Variants in BICDL1 observed in about 807,000 individuals in gnomAD.
BICDL1 encodes the protein BICD family-like cargo adapter 1.
BICDL1 carries 20 observed loss-of-function variants against 76.8 expected under a neutral mutation model. The observed-to-expected ratio is 0.26, with a 90% CI of 0.18 to 0.38. BICDL1 has a LOEUF of 0.38. Among genes scored for constraint, BICDL1 ranks in the 10% least tolerant of loss-of-function variants. The probability of loss-of-function intolerance (pLI) is 1.00; values close to 1 mark genes in which losing one functional copy is unlikely to be tolerated. For missense variants in BICDL1, 700 were observed against 798.6 expected, an observed-to-expected ratio of 0.88 and a Z score of 1.49; for synonymous variants, 383 against 337.1, an observed-to-expected ratio of 1.14 and a Z score of -1.49.
At chr12:120,073,339 G>A (rs1268078561) in intron 6 of BICDL1, among the ~76,000 whole-genome samples, 1 of 152,244 alleles carries the variant, frequency 6.6e-6, no homozygotes, top group African/African-American at 2.4e-5. Context: ...GCTTTCCTTG[G>A]AAACTTTGCA....
chr12:120,002,986 A>G (rs1182907694), intron 2 of BICDL1, among the ~76,000 whole-genome samples: 1 of 152,044 alleles, frequency 6.6e-6, no homozygotes, highest in Non-Finnish European at 1.5e-5. Flanking sequence ...GTGAAACCCC[A>G]TCTCTACTAA....
At chr12:119,995,728 T>G (rs1951629391) in intron 1 of BICDL1, among the ~76,000 whole-genome samples, 1 of 152,220 alleles carries the variant, frequency 6.6e-6, no homozygotes, top group Non-Finnish European at 1.5e-5. Context: ...GGCTCACGCC[T>G]GTAATCCCAG....
At chr12:120,025,011 C>T in intron 2 of BICDL1, among the ~76,000 whole-genome samples, 1 of 151,042 alleles carries the variant, frequency 6.6e-6, no homozygotes, top group Non-Finnish European at 1.5e-5. Context: ...TAGCCAAGTC[C>T]TTCTTCTTTA....
intron 8 of BICDL1, among the ~76,000 whole-genome samples, chr12:120,087,275 G>A (rs1874500515): frequency 1.3e-5 from 2 of 152,262 alleles, no homozygotes; most frequent in South Asian, 2.1e-4. Context: ...CGTCGCTGCC[G>A]CAGTGGGCGG....
chr12:120,023,613 A>G (rs1397813457), intron 2 of BICDL1, among the ~76,000 whole-genome samples: 2 of 152,020 alleles, frequency 1.3e-5, no homozygotes, highest in African/African-American at 4.8e-5. Context: ...ACAATGGTGA[A>G]CCCCATCTCT....
chr12:120,026,089 C>T (rs917930334), intron 2 of BICDL1, among the ~76,000 whole-genome samples: 1 of 152,036 alleles, frequency 6.6e-6, no homozygotes, highest in African/African-American at 2.4e-5. Flanking sequence ...CCACCCACCT[C>T]GGCCTCCCAA....
intron 8 of BICDL1, 149 bp from the exon 9 acceptor site, chr12:120,089,802 A>C (rs905551139): frequency 1.1e-6 from 1 of 935,678 alleles, no homozygotes; most frequent in African/African-American, 1.7e-5. Flanking sequence ...CTCTGCAGGC[A>C]ACATCATAGT....
chr12:120,020,815 T>G (rs559887796), intron 2 of BICDL1, among the ~76,000 whole-genome samples: 2 of 152,320 alleles, frequency 1.3e-5, no homozygotes, highest in South Asian at 4.2e-4. Context: ...CTTGGCATCA[T>G]GAATGGTGGG....
chr12:120,046,699 A>G (rs949858522), intron 2 of BICDL1, among the ~76,000 whole-genome samples: 5 of 152,182 alleles, frequency 3.3e-5, no homozygotes, highest in African/African-American at 1.2e-4. Flanking sequence ...TGTTCCATCC[A>G]TGTTGGAATT....
intron 8 of BICDL1, among the ~76,000 whole-genome samples, chr12:120,085,799 C>CAAAAAA (rs35399078): frequency 4.3e-5 from 3 of 69,694 alleles, no homozygotes; most frequent in African/African-American, 1.6e-4. Flanking sequence ...GATCCTGCCT[C>CAAAAAA]AAAAAAAAAA....
At chr12:120,025,034 T>G (rs888267935) in intron 2 of BICDL1, among the ~76,000 whole-genome samples, 3 of 149,598 alleles carry the variant, frequency 2.0e-5, no homozygotes, top group African/African-American at 7.4e-5. Flanking sequence ...GTGTGTGTGA[T>G]ATTATACTTT....
intron 2 of BICDL1, chr12:119,999,959 G>A: frequency 8.5e-6 from 2 of 234,938 alleles, no homozygotes; most frequent in South Asian, 4.8e-5. Context: ...AAATAGGGCA[G>A]CATTTCATAA....
intron 4 of BICDL1, among the ~76,000 whole-genome samples, chr12:120,068,613 C>G (rs1478104858): frequency 6.6e-6 from 1 of 152,192 alleles, no homozygotes; most frequent in African/African-American, 2.4e-5. Context: ...GTCAGGAGTT[C>G]GAGACCAGCC....
At chr12:120,075,246 G>C (rs1873443297) in intron 7 of BICDL1, among the ~76,000 whole-genome samples, 1 of 152,080 alleles carries the variant, frequency 6.6e-6, no homozygotes, top group African/African-American at 2.4e-5. Flanking sequence ...GTAGGGGCTG[G>C]GGTAGCACCA....
chr12:120,031,784 C>T (rs1428838133), intron 2 of BICDL1, among the ~76,000 whole-genome samples: 1 of 152,164 alleles, frequency 6.6e-6, no homozygotes, highest in Non-Finnish European at 1.5e-5. Flanking sequence ...TGTCTACTGT[C>T]TTGACAGTCT....
At position 120,017,011 on chromosome 12, in the gene BICDL1, C is replaced by G. The variant is rs377555977; in HGVS notation, c.645+18275C>G. On this transcript the variant is annotated intron_variant, in intron 2 of 9. Transcript: ENST00000548673. ...GGGTTCATGCCATTCTCCTGCTGAG[C>G]TCAGCCTCCCGAGTAGCTGGGACTA... Among the ~76,000 whole-genome samples the G allele has an allele frequency of 3.6e-4, 55 of 152,140 alleles. 1 individual carries two copies. In the South Asian group the frequency reaches 0.011, roughly 30 times the overall value.
intron 1 of BICDL1, among the ~76,000 whole-genome samples, chr12:119,993,987 C>T (rs932282177): frequency 6.6e-6 from 1 of 152,236 alleles, no homozygotes; most frequent in Non-Finnish European, 1.5e-5. Flanking sequence ...TGCTTTAAAA[C>T]TTATATCCGG....
At position 120,091,948 on chromosome 12, in the gene BICDL1, G is replaced by A. The variant is rs1041257986; in HGVS notation, c.1705-1052G>A. On this transcript the variant is annotated intron_variant, in intron 9 of 9. Coordinates refer to ENST00000548673, the MANE Select transcript of BICDL1 (RefSeq NM_001367886.1). ...CACAGGCCTCACCTGTCCTGTGCTCGGACACCACAGGCTGACTCACTCAGG... is the reference window on the plus strand; with the variant it reads ...CACAGGCCTCACCTGTCCTGTGCTCAGACACCACAGGCTGACTCACTCAGG... 25 of 985,314 alleles carry A rather than the reference G, an allele frequency of 2.5e-5. No individual in the cohort carries two copies. The South Asian group carries it at 7.0e-4, about 28-fold the overall frequency. The allele number at this position is 985,314 out of a possible 1,614,324, so 61.0% of individuals were successfully genotyped here.
intron 2 of BICDL1, among the ~76,000 whole-genome samples, chr12:120,051,136 C>T (rs988825579): frequency 5.3e-5 from 8 of 151,882 alleles, no homozygotes; most frequent in Non-Finnish European, 1.5e-5. Flanking sequence ...CAACCTCCAC[C>T]ACCCGGGTTC....
Sources: allele counts gnomAD v4.1 joint callset (sites outside exome capture counted in the v4.1 genomes callset), GRCh38; gene constraint gnomAD v4.1.1; transcripts MANE v1.5; gene names NCBI Gene and HGNC (gene_info 2026-07-23, HGNC 2026-07-21).